The following CEP162 variants were observed in gnomAD, a reference collection of about 807,000 sequenced individuals.
CEP162 encodes the protein centrosomal protein 162, also known as centrosomal protein of 162 kDa.
In CEP162, 141 loss-of-function variants were observed where a neutral mutation model predicts 169.2. The observed-to-expected ratio is 0.83, with a 90% CI of 0.73 to 0.96. The LOEUF is 0.96. Ranked by LOEUF, CEP162 falls within the 40% of genes least tolerant of loss-of-function variation. CEP162 has a pLI of 0.00. For missense variants in CEP162, 1,600 were observed against 1,587.2 expected (o/e 1.01, Z -0.14); for synonymous variants, 540 against 526.4 (o/e 1.03, Z -0.35).
Position 84,213,025 on chromosome 6 carries a change from C to T in CEP162, c.504-1G>A, listed in dbSNP as rs770796268. The T allele has an allele frequency of 9.2e-6, 14 of 1,522,960 alleles. No homozygotes were observed. Among genetic ancestry groups the T allele is most frequent in the South Asian group, 3.7e-5 (3 of 80,786 alleles). The allele number at this position is 1,522,960 out of a possible 1,614,324, so 94.3% of individuals were successfully genotyped here. Reference sequence around the variant, plus strand: ...AGTTAGTTCTGCGTTGGCTTGATTACTGGAAAAAATATTTATTTAATTTAG... The same window carrying T: ...AGTTAGTTCTGCGTTGGCTTGATTATTGGAAAAAATATTTATTTAATTTAG... On this transcript the variant is annotated splice_acceptor_variant, in intron 5 of 26. Transcript: ENST00000403245. LOFTEE classifies it high-confidence loss of function.
At chr6:84,159,163 T>A (rs2099524433) in intron 21 of CEP162, among the ~76,000 whole-genome samples, 1 of 151,692 alleles carries the variant, frequency 6.6e-6, no homozygotes, top group South Asian at 2.1e-4. Context: ...AATATCAGGA[T>A]AGAAATGCTC....
At chr6:84,204,392 T>C (rs990403197) in intron 6 of CEP162, among the ~76,000 whole-genome samples, 10 of 152,182 alleles carry the variant, frequency 6.6e-5, no homozygotes, top group African/African-American at 2.4e-4. Context: ...CAGACCACAG[T>C]GCAATCAAAT....
At chr6:84,203,617 T>A (rs2099545531) in intron 7 of CEP162, among the ~76,000 whole-genome samples, 1 of 152,058 alleles carries the variant, frequency 6.6e-6, no homozygotes, top group South Asian at 2.1e-4. Flanking sequence ...GCTAATTTTT[T>A]AAAAATTTAA....
chr6:84,141,730 T>C (rs1348626889), intron 25 of CEP162, among the ~76,000 whole-genome samples: 1 of 152,192 alleles, frequency 6.6e-6, no homozygotes, highest in African/African-American at 2.4e-5. Context: ...AACAGAACAC[T>C]GTCTCAGGGA....
chr6:84,173,754 G>A (rs1225310816), intron 16 of CEP162, among the ~76,000 whole-genome samples: 1 of 149,132 alleles, frequency 6.7e-6, no homozygotes, highest in African/African-American at 2.5e-5. Context: ...TGTGATCTCA[G>A]CTCACTGCAA....
intron 25 of CEP162, among the ~76,000 whole-genome samples, chr6:84,130,322 T>C (rs2099510791): frequency 6.6e-6 from 1 of 152,184 alleles, no homozygotes; most frequent in Non-Finnish European, 1.5e-5. Flanking sequence ...AATTTTCTTT[T>C]TTTGTTGTGT....
Position 84,153,099 on chromosome 6 carries a change from T to G in CEP162, c.3075A>C (p.Lys1025Asn), listed in dbSNP as rs747617045. 2 of 1,612,946 alleles carry G rather than the reference T, an allele frequency of 1.2e-6. No homozygotes were observed. Among genetic ancestry groups the G allele is most frequent in the Non-Finnish European group, 1.7e-6 (2 of 1,179,574 alleles). ...KLNQHDSPRI[K>N]ALEKELDDIK... The stretch of plus-strand genomic sequence containing the variant: ...TGTCATCAAGTTCCTTCTCTAGGGC[T>G]TTAATTCTGGGAGAGTCATGTTGAT... The change falls in exon 23 of 27, where the codon AAA becomes AAC. Residue 1025 changes from lysine to asparagine, a missense_variant. Transcript: ENST00000403245.
At chr6:84,144,615 C>G (rs1450729989) in intron 25 of CEP162, among the ~76,000 whole-genome samples, 1 of 151,990 alleles carries the variant, frequency 6.6e-6, no homozygotes, top group East Asian at 1.9e-4. Context: ...ACTTCAAGAT[C>G]ATACCATTTG....
At chr6:84,221,836 T>C (rs979104010) in intron 2 of CEP162, among the ~76,000 whole-genome samples, 1 of 152,082 alleles carries the variant, frequency 6.6e-6, no homozygotes, top group Non-Finnish European at 1.5e-5. Flanking sequence ...TTCTTTCGTC[T>C]CTCAGACAAC....
chr6:84,156,747 C>T (rs1414717246), intron 21 of CEP162, among the ~76,000 whole-genome samples: 1 of 149,060 alleles, frequency 6.7e-6, no homozygotes, highest in Non-Finnish European at 1.5e-5. Context: ...CAAAAAGACA[C>T]ACACACACAC....
chr6:84,169,182 T>C (rs2099528992), intron 18 of CEP162, 146 bp downstream of exon 18: 1 of 573,200 alleles, frequency 1.7e-6, no homozygotes, highest in Non-Finnish European at 3.0e-6. Context: ...TAATTTAAGA[T>C]ATTTCTCCCT....
At chr6:84,163,615 A>G (rs911168732) in intron 18 of CEP162, among the ~76,000 whole-genome samples, 1 of 151,730 alleles carries the variant, frequency 6.6e-6, no homozygotes, top group East Asian at 1.9e-4. Flanking sequence ...CCTACAGTCT[A>G]TTCTCACAGC....
At chr6:84,169,155 A>G (rs2099528971) in intron 18 of CEP162, among the ~76,000 whole-genome samples, 173 bp downstream of exon 18, 1 of 152,202 alleles carries the variant, frequency 6.6e-6, no homozygotes, top group Non-Finnish European at 1.5e-5. Context: ...TACTAAGGTC[A>G]TGTGCATACT....
Position 84,146,781 on chromosome 6 carries a change from A to T in CEP162, c.3776T>A (p.Leu1259His), listed in dbSNP as rs748281149. The change falls in exon 25 of 27, where the codon CTT becomes CAT. Residue 1259 changes from leucine to histidine, a missense_variant. Coordinates refer to ENST00000403245, the MANE Select transcript of CEP162 (RefSeq NM_014895.4). ...LNRKIATQEV[L>H]IRHFQSQVNE... is the part of the protein sequence containing the mutation. ...AACTTGACTTTGGAAATGTCTTATAAGTACCTAGGAAATTGTTAGAAGTGC... is the reference window on the plus strand; with the variant it reads ...AACTTGACTTTGGAAATGTCTTATATGTACCTAGGAAATTGTTAGAAGTGC... The T allele has an allele frequency of 1.3e-6, 2 of 1,518,066 alleles. No homozygotes were observed. The highest frequency in any genetic ancestry group is 4.6e-5 in the East Asian group (2 of 43,260). The allele number at this position is 1,518,066 out of a possible 1,614,324, so 94.0% of individuals were successfully genotyped here. A position where few individuals can be genotyped will look rare whatever the true frequency, so the allele number is the denominator to read the frequency against.
intron 15 of CEP162, 45 bp downstream of exon 15, chr6:84,174,682 T>C: frequency 1.0e-6 from 1 of 953,780 alleles, no homozygotes; most frequent in Non-Finnish European, 1.5e-6. Context: ...AGCTTTTTTT[T>C]TTTTTAATAA....
chr6:84,224,201 T>C (rs141529508), intron 2 of CEP162, among the ~76,000 whole-genome samples: 1 of 152,132 alleles, frequency 6.6e-6, no homozygotes, highest in Non-Finnish European at 1.5e-5. Context: ...ATATTACTTA[T>C]CCATAAAAAG....
chr6:84,160,949 T>C (rs2099525497), intron 20 of CEP162, 33 bp from the exon 21 acceptor site: 1 of 1,377,984 alleles, frequency 7.3e-7, no homozygotes, highest in Admixed American at 1.7e-5. Flanking sequence ...TTAAGAAGCA[T>C]ATGTAAACAT....
intron 3 of CEP162, among the ~76,000 whole-genome samples, chr6:84,218,105 G>T (rs940690685): frequency 2.0e-5 from 3 of 152,160 alleles, no homozygotes; most frequent in African/African-American, 4.8e-5. Flanking sequence ...AATTGGGGGG[G>T]TATACCAAGA....
chr6:84,125,259 G>A lies in CEP162; in HGVS notation c.4023C>T (p.His1341=), dbSNP rs766241303. ...QELQQIIQQT[H]QVVETEQNKE... ...TGTTTTGCTCAGTTTCTACTACTTG[G>A]TGTGTTTGCTGTATTATCTGCAAAT... Residue 1341 remains histidine (H), a synonymous_variant, in exon 27 of 27, where the codon CAC becomes CAT. Coordinates refer to ENST00000403245, the MANE Select transcript of CEP162 (RefSeq NM_014895.4). 9 of 1,613,204 alleles carry A rather than the reference G, an allele frequency of 5.6e-6. No individual in the cohort carries two copies. Among genetic ancestry groups the A allele is most frequent in the Non-Finnish European group, 7.6e-6 (9 of 1,179,498 alleles).
Sources: gnomAD v4.1 joint callset for allele counts (sites outside exome capture counted in the v4.1 genomes callset) on GRCh38, gnomAD v4.1.1 for gene constraint, MANE v1.5 for transcripts, NCBI Gene and HGNC (gene_info 2026-07-23, HGNC 2026-07-21) for gene names.